FANCL: variants seen among roughly 807,000 people sequenced by gnomAD.
FANCL encodes the protein E3 ubiquitin-protein ligase FANCL.
Under a neutral mutation model 59.4 loss-of-function variants are expected in FANCL, and 69 were observed. That is an observed-to-expected ratio of 1.16 (90% CI 0.96 to 1.42). The LOEUF (loss-of-function observed/expected upper bound fraction) is 1.42. Among genes scored for constraint, FANCL ranks in the 40% most tolerant of loss-of-function variants. FANCL has a pLI of 0.00. For synonymous variants in FANCL, 180 were observed against 147.1 expected, an observed-to-expected ratio of 1.22 and a Z score of -1.62; for missense variants, 519 against 447.2, an observed-to-expected ratio of 1.16 and a Z score of -1.45.
intron 6 of FANCL, among the ~76,000 whole-genome samples, chr2:58,199,691 T>C (rs1321286472): frequency 6.6e-6 from 1 of 152,148 alleles, no homozygotes; most frequent in African/African-American, 2.4e-5. Flanking sequence ...TAGAGAATCA[T>C]ACTTAATGAT....
Position 58,172,564 on chromosome 2 carries a change from G to T in FANCL, c.541-6690C>A, listed in dbSNP as rs781409397. Among the ~76,000 whole-genome samples, 3 of 152,280 alleles carry T rather than the reference G, an allele frequency of 2.0e-5. No homozygotes were observed. The East Asian group carries it at 5.8e-4, about 29-fold the overall frequency. On this transcript the variant is annotated intron_variant, in intron 7 of 13. Transcript: ENST00000233741. ...GTCTCTGTTAACAGAGGGTCTGTTTGTTAACAGAAAGGACTCTTAGCTGAG... is the reference window on the plus strand; with the variant it reads ...GTCTCTGTTAACAGAGGGTCTGTTTTTTAACAGAAAGGACTCTTAGCTGAG...
chr2:58,204,221 A>C lies in FANCL; in HGVS notation c.380T>G (p.Val127Gly). ...GGTACTGAAGCAGGTATCCGCATAC[A>C]CAAGTCTGGTGAGCAGAGGAGAATA... ...EIGTLGWDKL[V>G]YADTCFSTIK... The change falls in exon 6 of 14, where the codon GTG becomes GGG. Residue 127 changes from valine to glycine, a missense_variant. Physicochemically the swap from Val to Gly is moderately radical, Grantham distance 109. Coordinates refer to ENST00000233741, the MANE Select transcript of FANCL (RefSeq NM_018062.4). The C allele has an allele frequency of 2.5e-6, 4 of 1,612,624 alleles. No homozygotes were observed. The highest frequency in any genetic ancestry group is 3.4e-6 in the Non-Finnish European group (4 of 1,178,754).
chr2:58,166,916 A>AT (rs1417957163), intron 7 of FANCL, among the ~76,000 whole-genome samples: 1 of 152,170 alleles, frequency 6.6e-6, no homozygotes, highest in Non-Finnish European at 1.5e-5. Context: ...TTCTACACAT[A>AT]TTTTTTTAAA....
intron 7 of FANCL, among the ~76,000 whole-genome samples, chr2:58,190,108 T>G (rs1464693620): frequency 6.6e-6 from 1 of 152,098 alleles, no homozygotes; most frequent in Non-Finnish European, 1.5e-5. Context: ...GCTTCATTGA[T>G]GTTTTCAACT....
At chr2:58,214,337 T>G (rs1036374683) in intron 5 of FANCL, among the ~76,000 whole-genome samples, 5 of 152,230 alleles carry the variant, frequency 3.3e-5, no homozygotes, top group Non-Finnish European at 5.9e-5. Context: ...ACACTTTCTA[T>G]TTAGCTCACA....
intron 5 of FANCL, among the ~76,000 whole-genome samples, chr2:58,208,381 G>A (rs969406634): frequency 1.3e-5 from 2 of 152,046 alleles, no homozygotes; most frequent in African/African-American, 4.8e-5. Context: ...TTTATCATTT[G>A]CTATATTTCT....
At chr2:58,240,834 T>C (rs1694458741) in intron 1 of FANCL, among the ~76,000 whole-genome samples, 1 of 152,094 alleles carries the variant, frequency 6.6e-6, no homozygotes, top group African/African-American at 2.4e-5. Context: ...GATTCCCGAG[T>C]GAACTCATCA....
At position 58,177,830 on chromosome 2, in the gene FANCL, A is replaced by G. The variant is rs191494951; in HGVS notation, c.541-11956T>C. On this transcript the variant is annotated intron_variant, in intron 7 of 13. Transcript: ENST00000233741. Reference sequence around the variant, plus strand: ...AAAAGAAAAAACAAAAAAAACCCAAATAGACCGCTAGCCAGACTAATAAAG... The same window carrying G: ...AAAAGAAAAAACAAAAAAAACCCAAGTAGACCGCTAGCCAGACTAATAAAG... Among the ~76,000 whole-genome samples the G allele has an allele frequency of 4.1e-3, 622 of 151,996 alleles. 6 individuals carry two copies. The highest frequency in any genetic ancestry group is 0.013 in the African/African-American group (525 of 41,506).
chr2:58,238,245 G>A (rs527323173), intron 1 of FANCL, among the ~76,000 whole-genome samples: 58 of 152,184 alleles, frequency 3.8e-4, no homozygotes, highest in African/African-American at 1.3e-3. Context: ...ATGTGACCCA[G>A]GGAAGCCAAA....
At chr2:58,161,713 G>T in intron 11 of FANCL, 75 bp from the exon 12 acceptor site, 3 of 972,040 alleles carry the variant, frequency 3.1e-6, no homozygotes, top group Non-Finnish European at 3.3e-6. Context: ...GGGAGGGTAT[G>T]TGTGATATTT....
chr2:58,212,293 C>G (rs1294573596), intron 5 of FANCL, among the ~76,000 whole-genome samples: 3 of 152,176 alleles, frequency 2.0e-5, no homozygotes, highest in African/African-American at 7.2e-5. Flanking sequence ...TCTCCTAAGA[C>G]TTATTCATTA....
intron 7 of FANCL, among the ~76,000 whole-genome samples, chr2:58,180,341 C>G (rs1468767052): frequency 3.3e-5 from 5 of 152,054 alleles, no homozygotes; most frequent in Non-Finnish European, 5.9e-5. Flanking sequence ...CAATGATAGA[C>G]TGGAAAAGAA....
intron 7 of FANCL, among the ~76,000 whole-genome samples, chr2:58,166,474 A>G (rs1207905561): frequency 1.3e-5 from 2 of 152,208 alleles, no homozygotes; most frequent in Non-Finnish European, 2.9e-5. Flanking sequence ...AGCATTTCAT[A>G]TATTAATCCC....
chr2:58,168,984 G>A (rs1166187116), intron 7 of FANCL, among the ~76,000 whole-genome samples: 1 of 152,162 alleles, frequency 6.6e-6, no homozygotes, highest in Admixed American at 6.5e-5. Context: ...ATCTCCCTGG[G>A]ACAGAGCACG....
chr2:58,187,279 G>A (rs145384368), intron 7 of FANCL, among the ~76,000 whole-genome samples: 2 of 152,112 alleles, frequency 1.3e-5, no homozygotes, highest in East Asian at 3.9e-4. Context: ...CACGGATGAA[G>A]CTGGAAACTA....
At chr2:58,211,188 C>G (rs888711111) in intron 5 of FANCL, among the ~76,000 whole-genome samples, 1 of 152,350 alleles carries the variant, frequency 6.6e-6, no homozygotes, top group South Asian at 2.1e-4. Flanking sequence ...AATTTCCATA[C>G]ATCTTCTGAA....
At chr2:58,169,647 G>C (rs900521059) in intron 7 of FANCL, among the ~76,000 whole-genome samples, 2 of 151,718 alleles carry the variant, frequency 1.3e-5, no homozygotes, top group African/African-American at 2.4e-5. Flanking sequence ...AGGAAGCTAA[G>C]AACCTTGAAA....
At chr2:58,197,576 C>T (rs1689555836) in intron 7 of FANCL, among the ~76,000 whole-genome samples, 1 of 152,130 alleles carries the variant, frequency 6.6e-6, no homozygotes, top group South Asian at 2.1e-4. Context: ...GATAATCATA[C>T]CACCTTATAT....
intron 5 of FANCL, among the ~76,000 whole-genome samples, chr2:58,220,396 G>A (rs1436685743): frequency 6.6e-6 from 1 of 151,560 alleles, no homozygotes; most frequent in Non-Finnish European, 1.5e-5. Context: ...AAACAAAAGG[G>A]AAAAAATTGA....
Sources: allele counts gnomAD v4.1 joint callset (sites outside exome capture counted in the v4.1 genomes callset), GRCh38; gene constraint gnomAD v4.1.1; transcripts MANE v1.5; gene names NCBI Gene and HGNC (gene_info 2026-07-23, HGNC 2026-07-21).